Variants in ARMH4 observed in about 807,000 individuals in gnomAD.
The protein encoded by ARMH4 is armadillo like helical domain containing 4.
ARMH4 carries 49 observed loss-of-function variants against 61.9 expected under a neutral mutation model. The ratio of observed to expected loss-of-function variants is 0.79; its 90% confidence interval spans 0.63 to 1.00. The LOEUF is 1.00. ARMH4 is among the 50% of genes least tolerant of loss of function. The pLI, the probability that ARMH4 is intolerant of heterozygous loss-of-function variation, is 0.00. For synonymous variants in ARMH4, 368 were observed against 341.5 expected (o/e 1.08, Z -0.85); for missense variants, 934 against 930.0 (o/e 1.00, Z -0.06).
intron 1 of ARMH4, among the ~76,000 whole-genome samples, chr14:58,144,581 T>C (rs1445650133): frequency 6.6e-6 from 1 of 151,122 alleles, no homozygotes; most frequent in Non-Finnish European, 1.5e-5. Flanking sequence ...CAACAAAACA[T>C]ATGAGGCCTG....
chr14:58,051,254 T>C (rs926399112), intron 5 of ARMH4, among the ~76,000 whole-genome samples: 2 of 152,124 alleles, frequency 1.3e-5, no homozygotes, highest in African/African-American at 4.8e-5. Flanking sequence ...CACATCAATT[T>C]CTAGGGCCAG....
At chr14:58,020,012 G>T (rs1353383714) in intron 5 of ARMH4, among the ~76,000 whole-genome samples, 1 of 152,142 alleles carries the variant, frequency 6.6e-6, no homozygotes, top group Admixed American at 6.5e-5. Flanking sequence ...AGGGATGGGA[G>T]CCAGAAGAGA....
chr14:58,068,572 G>C (rs1221400235), intron 5 of ARMH4, among the ~76,000 whole-genome samples: 1 of 152,120 alleles, frequency 6.6e-6, no homozygotes, highest in Non-Finnish European at 1.5e-5. Flanking sequence ...CAGAGTACCA[G>C]GAAAAGAGAC....
chr14:58,019,627 CT>C (rs199941546), intron 5 of ARMH4, among the ~76,000 whole-genome samples: 2,701 of 151,974 alleles, frequency 0.018, 92 homozygotes, highest in African/African-American at 0.061. Flanking sequence ...CCCGTCTCTA[CT>C]AAAAATACAA....
At chr14:58,032,860 G>T (rs532164414) in intron 5 of ARMH4, among the ~76,000 whole-genome samples, 33 of 152,184 alleles carry the variant, frequency 2.2e-4, no homozygotes, top group African/African-American at 7.7e-4. Flanking sequence ...AACAAACGGC[G>T]CACCACGAGA....
chr14:58,114,252 C>T (rs1314782265), intron 4 of ARMH4, among the ~76,000 whole-genome samples: 1 of 152,092 alleles, frequency 6.6e-6, no homozygotes, highest in Admixed American at 6.6e-5. Flanking sequence ...TTTTATTCCC[C>T]TTACACAGGC....
chr14:58,078,474 C>A (rs1003385526), intron 5 of ARMH4, among the ~76,000 whole-genome samples: 2 of 152,136 alleles, frequency 1.3e-5, no homozygotes, highest in Non-Finnish European at 2.9e-5. Flanking sequence ...TAAAGAGGCC[C>A]TTCTGTAGCA....
chr14:58,147,742 G>C (rs1338653628), intron 1 of ARMH4, among the ~76,000 whole-genome samples: 2 of 151,982 alleles, frequency 1.3e-5, no homozygotes, highest in Non-Finnish European at 2.9e-5. Context: ...AACCTAATGA[G>C]GTATACTGTC....
At chr14:58,119,145 C>G (rs779860979) in intron 4 of ARMH4, among the ~76,000 whole-genome samples, 3 of 152,146 alleles carry the variant, frequency 2.0e-5, no homozygotes, top group Admixed American at 6.5e-5. Flanking sequence ...GTAATGCTTC[C>G]AAGTGTGATA....
At chr14:58,019,493 C>T (rs1955634) in intron 5 of ARMH4, among the ~76,000 whole-genome samples, 44,718 of 152,020 alleles carry the variant, frequency 0.29, 6,788 homozygotes, top group African/African-American at 0.34. Context: ...CTTGTGTATA[C>T]GAGTCCCAGG....
chr14:58,059,479 T>C (rs1033036543), intron 5 of ARMH4, among the ~76,000 whole-genome samples: 16 of 152,254 alleles, frequency 1.1e-4, no homozygotes, highest in Non-Finnish European at 5.9e-5. Context: ...GTCAACATTT[T>C]TGACCAGTAT....
intron 5 of ARMH4, among the ~76,000 whole-genome samples, chr14:58,025,838 A>T (rs1883002561): frequency 6.6e-6 from 1 of 152,154 alleles, no homozygotes; most frequent in African/African-American, 2.4e-5. Context: ...GCAAGATTCC[A>T]ATAAATAGAA....
At chr14:58,148,281 G>A (rs1197973221) in intron 1 of ARMH4, among the ~76,000 whole-genome samples, 4 of 152,116 alleles carry the variant, frequency 2.6e-5, no homozygotes, top group South Asian at 2.1e-4. Context: ...TCTTGGCTTC[G>A]TGATCCACCC....
In ARMH4 at chr14:58,005,186, C is replaced by T; in HGVS notation, c.2122-4G>A. 6.2e-7 allele frequency: 1 copy of T among 1,613,912 alleles called. No individual in the cohort carries two copies. Among genetic ancestry groups the T allele is most frequent in the Non-Finnish European group, 8.5e-7 (1 of 1,179,874 alleles). ...GCATCCCAGACATGTAACCAGCCTG[C>T]ATAGAAAAGGAAACACACATTAGGA... On this transcript the variant is annotated splice_region_variant and splice_polypyrimidine_tract_variant and intron_variant, in intron 6 of 7. Coordinates refer to ENST00000267485, the MANE Select transcript of ARMH4 (RefSeq NM_001001872.4).
intron 4 of ARMH4, among the ~76,000 whole-genome samples, chr14:58,126,063 G>C (rs1042240444): frequency 1.3e-5 from 2 of 152,150 alleles, no homozygotes; most frequent in Admixed American, 6.5e-5. Flanking sequence ...CCAGGCATTC[G>C]AGCTGGCAAC....
At chr14:58,070,107 T>C (rs904073881) in intron 5 of ARMH4, among the ~76,000 whole-genome samples, 1 of 152,166 alleles carries the variant, frequency 6.6e-6, no homozygotes, top group Non-Finnish European at 1.5e-5. Context: ...ACTGAGTGGA[T>C]GCGAGAACCG....
At chr14:58,023,512 C>T (rs1437816059) in intron 5 of ARMH4, among the ~76,000 whole-genome samples, 1 of 152,116 alleles carries the variant, frequency 6.6e-6, no homozygotes, top group African/African-American at 2.4e-5. Flanking sequence ...TATGCAGTTA[C>T]CTCCTCCAAT....
At chr14:58,054,087 CTA>C (rs1240549596) in intron 5 of ARMH4, among the ~76,000 whole-genome samples, 2 of 152,144 alleles carry the variant, frequency 1.3e-5, no homozygotes, top group African/African-American at 4.8e-5. Context: ...CATGAGAAAA[CTA>C]ACACAGAGAA....
At chr14:58,064,842 G>A (rs1884651191) in intron 5 of ARMH4, among the ~76,000 whole-genome samples, 1 of 152,188 alleles carries the variant, frequency 6.6e-6, no homozygotes, top group Non-Finnish European at 1.5e-5. Flanking sequence ...ATTCACTCTT[G>A]AATGCATCAA....
Sources: allele counts gnomAD v4.1 joint callset (sites outside exome capture counted in the v4.1 genomes callset), GRCh38; gene constraint gnomAD v4.1.1; transcripts MANE v1.5; gene names NCBI Gene and HGNC (gene_info 2026-07-23, HGNC 2026-07-21).